Variants in PLA2G4E observed in about 807,000 individuals in gnomAD.
The protein encoded by PLA2G4E is phospholipase A2 group IVE.
PLA2G4E carries 84 observed loss-of-function variants against 109.1 expected under a neutral mutation model. The observed-to-expected ratio is 0.77, with a 90% CI of 0.65 to 0.92. The LOEUF (loss-of-function observed/expected upper bound fraction) is 0.92, where lower values mean the gene tolerates loss of function less well. Among genes scored for constraint, PLA2G4E ranks in the 40% least tolerant of loss-of-function variants. The pLI is 0.00. For missense variants in PLA2G4E, 1,057 were observed against 1,076.6 expected (o/e 0.98, Z 0.25); for synonymous variants, 469 against 436.1 (o/e 1.08, Z -0.94).
intron 1 of PLA2G4E, among the ~76,000 whole-genome samples, chr15:42,048,453 A>C (rs1889452195): frequency 6.6e-6 from 1 of 152,240 alleles, no homozygotes; most frequent in Non-Finnish European, 1.5e-5. Flanking sequence ...TATCAAAATT[A>C]AAATATTAAA....
intron 4 of PLA2G4E, among the ~76,000 whole-genome samples, chr15:42,005,597 A>G (rs1379486039): frequency 6.6e-6 from 1 of 152,002 alleles, no homozygotes; most frequent in African/African-American, 2.4e-5. Flanking sequence ...GCCCACCTTT[A>G]CCCTCATCTG....
At chr15:41,989,058 G>T (rs1331550244) in intron 15 of PLA2G4E, among the ~76,000 whole-genome samples, 3 of 152,156 alleles carry the variant, frequency 2.0e-5, no homozygotes, top group Non-Finnish European at 4.4e-5. Flanking sequence ...GGCTTCTCTG[G>T]TGACCCTGCC....
At chr15:42,006,075 T>C in exon 4 of PLA2G4E, 2 of 1,613,912 alleles carry the variant, frequency 1.2e-6, no homozygotes, top group Non-Finnish European at 1.7e-6. Flanking sequence ...GAGATGGTCA[T>C]CTGGTGTCAC....
chr15:41,988,238 C>G, intron 15 of PLA2G4E, 82 bp from the exon 16 acceptor site: 1 of 855,192 alleles, frequency 1.2e-6, no homozygotes, highest in Non-Finnish European at 1.7e-6. Context: ...CTCCCCCCAC[C>G]CCCCCACCCC....
intron 12 of PLA2G4E, among the ~76,000 whole-genome samples, 197 bp downstream of exon 12, chr15:41,995,163 A>T (rs1205940918): frequency 1.3e-5 from 2 of 152,222 alleles, no homozygotes; most frequent in African/African-American, 4.8e-5. Flanking sequence ...TGTTATCCGC[A>T]CTGTGCAGAT....
At position 41,995,370 on chromosome 15, in the gene PLA2G4E, CTGATAGACCGG is replaced by C; in HGVS notation, c.1226_1236del (p.Thr409ArgfsTer12). The C allele has an allele frequency of 6.2e-7, 1 of 1,613,350 alleles. No individual in the cohort carries two copies. Among genetic ancestry groups the C allele is most frequent in the Admixed American group, 1.7e-5 (1 of 60,008 alleles). On this transcript the variant is annotated frameshift_variant, in exon 12 of 20. Transcript: ENST00000399518. LOFTEE classifies it high-confidence loss of function. ...CTCATGTCTCCTTACCAGGTGGCCC[CTGATAGACCGG>C]TGATGTAGCTGGCACAGTCCAGGAG...
At chr15:42,045,881 C>T (rs1712436) in intron 1 of PLA2G4E, among the ~76,000 whole-genome samples, 29,174 of 152,088 alleles carry the variant, frequency 0.19, 2,969 homozygotes, top group South Asian at 0.33. Flanking sequence ...CACCTGACAT[C>T]TCTGCTTAGA....
In PLA2G4E at chr15:41,986,001, T is replaced by C. The variant is rs560509142; in HGVS notation, c.2040A>G (p.Thr680=). 2.5e-5 allele frequency: 39 copies of C among 1,591,124 alleles called. No individual in the cohort carries two copies. In the South Asian group the frequency reaches 4.1e-4, roughly 17 times the overall value. Residue 680 remains threonine (T), a synonymous_variant, in exon 18 of 20, where the codon ACA becomes ACG. Transcript: ENST00000399518. ...GCTGGTTTGGGAAACCATCTAGCAC[T>C]GTGTCTGAAAGCCAAGCCTTCCCGT...
At chr15:42,047,696 A>G (rs1416826557) in intron 1 of PLA2G4E, among the ~76,000 whole-genome samples, 1 of 152,140 alleles carries the variant, frequency 6.6e-6, no homozygotes, top group Non-Finnish European at 1.5e-5. Context: ...TCCCCCATTC[A>G]TACATATATA....
At chr15:42,033,151 A>T (rs1348582144) in intron 1 of PLA2G4E, among the ~76,000 whole-genome samples, 1 of 151,984 alleles carries the variant, frequency 6.6e-6, no homozygotes, top group Admixed American at 6.6e-5. Flanking sequence ...TCTTGCCTTG[A>T]CCTTTAGGAG....
At chr15:42,008,912 T>A (rs1489131187) in intron 2 of PLA2G4E, 2 of 152,226 alleles carry the variant, frequency 1.3e-5, no homozygotes, top group Non-Finnish European at 2.9e-5. Context: ...TTTTTAATTA[T>A]TAATAGTCAC....
In PLA2G4E at chr15:41,985,771, C is replaced by T. The variant is rs2068129692; in HGVS notation, c.2202+68G>A. The T allele has an allele frequency of 5.9e-6, 9 of 1,520,256 alleles. No homozygotes were observed. In the East Asian group the frequency reaches 2.2e-4, roughly 37 times the overall value. 94.2% of individuals were successfully genotyped at this position (1,520,256 alleles called of 1,614,324 possible). ...TCTTCCCAGTTCACAGCGAGTGAGGCCACTGACTGCGGGGCCCATCTTAGG... is the reference window on the plus strand; with the variant it reads ...TCTTCCCAGTTCACAGCGAGTGAGGTCACTGACTGCGGGGCCCATCTTAGG... On this transcript the variant is annotated intron_variant, in intron 18 of 19. Transcript: ENST00000399518.
chr15:42,028,489 C>A (rs28436042), intron 1 of PLA2G4E, among the ~76,000 whole-genome samples: 21,718 of 151,978 alleles, frequency 0.14, 1,827 homozygotes, highest in South Asian at 0.21. Context: ...TCACTGCAAC[C>A]TCCACCTCCT....
At chr15:42,041,615 G>T (rs1566852300) in intron 1 of PLA2G4E, among the ~76,000 whole-genome samples, 1 of 152,184 alleles carries the variant, frequency 6.6e-6, no homozygotes. Context: ...GAAGGACACT[G>T]GGAGTTCCAG....
chr15:41,997,436 C>G (rs1404778316), intron 10 of PLA2G4E, 177 bp from the exon 11 acceptor site: 2 of 608,736 alleles, frequency 3.3e-6, no homozygotes, highest in Non-Finnish European at 5.3e-6. Context: ...GAACTCTCAG[C>G]ACTGTCTTCA....
chr15:42,014,971 C>T (rs554612595), intron 1 of PLA2G4E, among the ~76,000 whole-genome samples: 1 of 152,124 alleles, frequency 6.6e-6, no homozygotes, highest in South Asian at 2.1e-4. Flanking sequence ...TGGGAACACT[C>T]CCAGCCCTGC....
intron 18 of PLA2G4E, 58 bp downstream of exon 18, chr15:41,985,781 C>A: frequency 6.5e-7 from 1 of 1,542,068 alleles, no homozygotes; most frequent in Non-Finnish European, 8.8e-7. Context: ...CCACTGACTG[C>A]GGGGCCCATC....
In PLA2G4E at chr15:41,986,022, C is replaced by T; in HGVS notation, c.2036-17G>A. On this transcript the variant is annotated splice_polypyrimidine_tract_variant and intron_variant, in intron 17 of 19. Coordinates refer to ENST00000399518, the Ensembl canonical transcript of PLA2G4E. ...GCACTGTGTCTGAAAGCCAAGCCTT[C>T]CCGTTACCAACACACCTGGTGCCCT... The T allele has an allele frequency of 6.3e-7, 1 of 1,577,874 alleles. No homozygotes were observed.
chr15:42,017,033 A>G (rs1487494916), intron 1 of PLA2G4E, among the ~76,000 whole-genome samples: 1 of 152,236 alleles, frequency 6.6e-6, no homozygotes, highest in Non-Finnish European at 1.5e-5. Flanking sequence ...TTCACCAGGC[A>G]AGCAGTTTTG....
Sources: gnomAD v4.1 joint callset for allele counts (sites outside exome capture counted in the v4.1 genomes callset) on GRCh38, gnomAD v4.1.1 for gene constraint, MANE v1.5 for transcripts, NCBI Gene and HGNC (gene_info 2026-07-23, HGNC 2026-07-21) for gene names.